PLXNB1: variants seen among roughly 807,000 people sequenced by gnomAD.
The protein encoded by PLXNB1 is plexin B1.
PLXNB1 carries 106 observed loss-of-function variants against 209.4 expected under a neutral mutation model. The observed-to-expected ratio is 0.51, with a 90% CI of 0.43 to 0.59. PLXNB1 has a LOEUF of 0.59. Among genes scored for constraint, PLXNB1 ranks in the 20% least tolerant of loss-of-function variants. The pLI, the probability that PLXNB1 is intolerant of heterozygous loss-of-function variation, is 0.00. For missense variants in PLXNB1, 2,357 were observed against 2,853.2 expected (o/e 0.83, Z 3.96); for synonymous variants, 1,167 against 1,183.2 (o/e 0.99, Z 0.28).
chr3:48,409,667 G>A lies in PLXNB1; in HGVS notation c.5843C>T (p.Pro1948Leu), dbSNP rs759141927. 5.1e-5 allele frequency: 82 copies of A among 1,613,836 alleles called. No individual in the cohort carries two copies. Among genetic ancestry groups the A allele is most frequent in the Non-Finnish European group, 6.9e-5 (81 of 1,180,020 alleles). The change falls in exon 33 of 38, where the codon CCG becomes CTG. Residue 1948 changes from proline (P) to leucine (L), a missense_variant. Pro to Leu is a moderately conservative substitution (Grantham distance 98). Around this residue, in one of 7 missense-constraint regions of PLXNB1, gnomAD observed 414 missense variants for 520.5 expected, o/e 0.80. Coordinates refer to ENST00000296440, the MANE Select transcript of PLXNB1 (RefSeq NM_001130082.3). This position sits in a 1 kb window ranked among gnomAD's most constrained non-coding sequence, Gnocchi z 5.8. ...QVILSTSRPVPLAVKYFFDLL... is the reference protein window; with the variant it reads ...QVILSTSRPVLLAVKYFFDLL... ...GTCAAAGAAGTACTTCACAGCGAGCGGCACGGGGCGGCTGGTGCTGAGAAT... is the reference window on the plus strand; with the variant it reads ...GTCAAAGAAGTACTTCACAGCGAGCAGCACGGGGCGGCTGGTGCTGAGAAT...
rs1246833791 is a variant in PLXNB1, at chr3:48,420,905, T to C, written c.1862A>G (p.Lys621Arg). The change falls in exon 9 of 38, where the codon AAA becomes AGA. Residue 621 changes from lysine to arginine, a missense_variant. Physicochemically the swap from Lys to Arg is conservative, Grantham distance 26 (BLOSUM62 2). Coordinates refer to ENST00000296440, the MANE Select transcript of PLXNB1 (RefSeq NM_001130082.3). The stretch of plus-strand genomic sequence containing the variant: ...ACAGTCATAGAAAGAGAGGGAAGTT[T>C]TGGCGATCACAACAGCGCCAAATCT... ...ELRFGAVVIAKTSLSFYDCVA... is the reference protein window; with the variant it reads ...ELRFGAVVIARTSLSFYDCVA... 3 of 1,614,104 alleles carry C rather than the reference T, an allele frequency of 1.9e-6. No individual in the cohort carries two copies. Among genetic ancestry groups the C allele is most frequent in the Non-Finnish European group, 2.5e-6 (3 of 1,179,968 alleles).
At position 48,415,203 on chromosome 3, in the gene PLXNB1, G is replaced by A; in HGVS notation, c.3939C>T (p.Ser1313=). The change falls in exon 20 of 38, where the codon TCC becomes TCT. Residue 1313 remains serine, a synonymous_variant. Transcript: ENST00000296440. This position sits in a 1 kb window ranked among gnomAD's most constrained non-coding sequence, Gnocchi z 5.0. The part of the protein sequence containing the change: ...RRRVVPETAC[S]LGPSCSSQQF... ...GCTGGCTACTGCAGGAGGGTCCAAG[G>A]GAACATGCCGTCTCCGGGACCACGC... 1 of 1,613,412 alleles carries A rather than the reference G, an allele frequency of 6.2e-7. No homozygotes were observed. The highest frequency in any genetic ancestry group is 1.3e-5 in the African/African-American group (1 of 75,028).
chr3:48,406,677 A>C lies in PLXNB1; in HGVS notation c.6228+146T>G. ...CTGGTCTTTCAGTGGCAGTTGGAAC[A>C]TTCTGCATTTATGTTTCCTGCCCCA... On this transcript the variant is annotated intron_variant, in intron 36 of 37. Transcript: ENST00000296440. The surrounding 1 kb of genome is among the most constrained non-coding windows in gnomAD (Gnocchi z 4.4). 7.0e-7 allele frequency: 1 copy of C among 1,433,792 alleles called. No individual in the cohort carries two copies. The highest frequency in any genetic ancestry group is 1.4e-5 in the African/African-American group (1 of 69,782). 88.8% of individuals were successfully genotyped at this position (1,433,792 alleles called of 1,614,324 possible).
At position 48,419,579 on chromosome 3, in the gene PLXNB1, G is replaced by C; in HGVS notation, c.2707C>G (p.Leu903Val). ...CTCCTTCCTGGGCTGGGCCTCACCA[G>C]CTCCCAGAGCCCGGGGGTGTCATAC... ...YQYDTPGLWELEEATLGASSC... is the reference protein window; with the variant it reads ...YQYDTPGLWEVEEATLGASSC... Residue 903 changes from leucine to valine, a missense_variant and splice_region_variant, in exon 11 of 38, where the codon CTG becomes GTG. Physicochemically the swap from Leu to Val is conservative, Grantham distance 32. This residue lies in a region of PLXNB1 where 410 missense variants were observed against 401.0 expected (regional missense o/e 1.02). Coordinates refer to ENST00000296440, the MANE Select transcript of PLXNB1 (RefSeq NM_001130082.3). This position sits in a 1 kb window ranked among gnomAD's most constrained non-coding sequence, Gnocchi z 5.7. 1 of 1,603,898 alleles carries C rather than the reference G, an allele frequency of 6.2e-7. No individual in the cohort carries two copies. The highest frequency in any genetic ancestry group is 8.5e-7 in the Non-Finnish European group (1 of 1,173,050).
rs781222547 is a variant in PLXNB1 at position 48,414,879 on chromosome 3, C to T, written c.4129G>A (p.Asp1377Asn). The T allele has an allele frequency of 1.4e-5, 23 of 1,613,870 alleles. No individual in the cohort carries two copies. Among genetic ancestry groups the T allele is most frequent in the Middle Eastern group, 1.6e-4 (1 of 6,084 alleles). The change falls in exon 21 of 38, where the codon GAC (aspartate) becomes AAC (asparagine). Residue 1377 changes from aspartate to asparagine, a missense_variant. Transcript: ENST00000296440. ...GGGTTGAGTGGCTGCAGGGTGGGGTCGGCCTCATAGGAGAAAGGTGTGGGG... is the reference window on the plus strand; with the variant it reads ...GGGTTGAGTGGCTGCAGGGTGGGGTTGGCCTCATAGGAGAAAGGTGTGGGG... The part of the protein sequence containing the change: ...LNPTPFSYEA[D>N]PTLQPLNPED...
At chr3:48,427,404 G>A (rs1451747655) in intron 1 of PLXNB1, among the ~76,000 whole-genome samples, 2 of 152,134 alleles carry the variant, frequency 1.3e-5, no homozygotes, top group African/African-American at 4.8e-5. Flanking sequence ...AAGAAGAGCA[G>A]TGACTTTTTC....
Position 48,412,833 on chromosome 3 carries a change from T to TC in PLXNB1, c.4762dup (p.Asp1588GlyfsTer6), listed in dbSNP as rs766747467. On this transcript the variant is annotated frameshift_variant, in exon 25 of 38. Coordinates refer to ENST00000296440, the MANE Select transcript of PLXNB1 (RefSeq NM_001130082.3). LOFTEE classifies it high-confidence loss of function. ...CCGTCTGCTCTCAGGCACACCCAGG[T>TC]CCCGGTGCAAGGGCGACTCGCGGTG... is the stretch of plus-strand genomic sequence containing the variant. 1.2e-6 allele frequency: 2 copies of TC among 1,613,220 alleles called. No homozygotes were observed. Among genetic ancestry groups the TC allele is most frequent in the Non-Finnish European group, 8.5e-7 (1 of 1,179,874 alleles).
At position 48,410,103 on chromosome 3, in the gene PLXNB1, C is replaced by A; in HGVS notation, c.5606-26G>T. On this transcript the variant is annotated intron_variant, in intron 31 of 37. Transcript: ENST00000296440. This position sits in a 1 kb window ranked among gnomAD's most constrained non-coding sequence, Gnocchi z 6.4. ...CTGTGCCAAGAGCCCACAGCTGTCA[C>A]CCCTCCCCAGGTGCCACCTCCCCAG... The A allele has an allele frequency of 6.4e-7, 1 of 1,551,616 alleles. No individual in the cohort carries two copies. Among genetic ancestry groups the A allele is most frequent in the Non-Finnish European group, 8.7e-7 (1 of 1,144,752 alleles).
intron 34 of PLXNB1, among the ~76,000 whole-genome samples, chr3:48,407,732 C>G (rs150361990): frequency 6.6e-6 from 1 of 152,230 alleles, no homozygotes; most frequent in Non-Finnish European, 1.5e-5. Context: ...AGTCAGGATT[C>G]GCGCCTTCTT....
chr3:48,425,835 C>CACACAG (rs1403490551), intron 1 of PLXNB1, among the ~76,000 whole-genome samples: 2 of 148,858 alleles, frequency 1.3e-5, no homozygotes, highest in African/African-American at 5.1e-5. Flanking sequence ...CACACACACA[C>CACACAG]AGAGAGAGAG....
Position 48,419,119 on chromosome 3 carries a change from C to G in PLXNB1, c.2833-80G>C. 1 of 1,586,248 alleles carries G rather than the reference C, an allele frequency of 6.3e-7. No homozygotes were observed. The highest frequency in any genetic ancestry group is 8.6e-7 in the Non-Finnish European group (1 of 1,161,466). ...CCTGCAGGTCACCCAACAGATCCCC[C>G]AGCACAGCTTCTGGGTTGGAGTTGA... On this transcript the variant is annotated intron_variant, in intron 12 of 37. Transcript: ENST00000296440. The surrounding 1 kb of genome is among the most constrained non-coding windows in gnomAD (Gnocchi z 5.7).
In PLXNB1 at chr3:48,410,036, G is replaced by A; in HGVS notation, c.5647C>T (p.Pro1883Ser). The A allele has an allele frequency of 6.2e-7, 1 of 1,609,558 alleles. No individual in the cohort carries two copies. The highest frequency in any genetic ancestry group is 8.5e-7 in the Non-Finnish European group (1 of 1,177,404). ...TCACTTGGCTTCACCAGGTGCCAGGGCCGGATGCCCCCCTCATCTACATCC... is the reference window on the plus strand; with the variant it reads ...TCACTTGGCTTCACCAGGTGCCAGGACCGGATGCCCCCCTCATCTACATCC... ...LEDVDEGGIR[P>S]WHLVKPSDEP... Residue 1883 changes from proline to serine, a missense_variant, in exon 32 of 38, where the codon CCC (proline) becomes TCC (serine). This residue lies in a region of PLXNB1 where 414 missense variants were observed against 520.5 expected (regional missense o/e 0.80). Coordinates refer to ENST00000296440, the MANE Select transcript of PLXNB1 (RefSeq NM_001130082.3). This position sits in a 1 kb window ranked among gnomAD's most constrained non-coding sequence, Gnocchi z 6.4.
rs2038406578 is a variant in PLXNB1, at chr3:48,420,158, G to C, written c.2128C>G (p.Pro710Ala). ...ALATPAPDTL[P>A]VEPGAPSTAT... The stretch of plus-strand genomic sequence containing the variant: ...GTGGAGGGAGCCCCAGGCTCCACGG[G>C]AAGGGTGTCAGGAGCAGGGGTGGCC... Residue 710 changes from proline to alanine, a missense_variant, in exon 11 of 38, where the codon CCC becomes GCC. Physicochemically the swap from Pro to Ala is conservative, Grantham distance 27. Coordinates refer to ENST00000296440, the MANE Select transcript of PLXNB1 (RefSeq NM_001130082.3). 2 of 1,406,722 alleles carry C rather than the reference G, an allele frequency of 1.4e-6. No homozygotes were observed. The highest frequency in any genetic ancestry group is 1.9e-6 in the Non-Finnish European group (2 of 1,043,908). 87.1% of individuals were successfully genotyped at this position (1,406,722 alleles called of 1,614,324 possible). A position where few individuals can be genotyped will look rare whatever the true frequency, so the allele number is the denominator to read the frequency against.
chr3:48,422,540 G>T, intron 4 of PLXNB1, 81 bp from the exon 5 acceptor site: 1 of 1,444,176 alleles, frequency 6.9e-7, no homozygotes. Context: ...CCCAATCGAA[G>T]TAATTTACAA....
chr3:48,428,069 G>A (rs2038987301), intron 1 of PLXNB1, among the ~76,000 whole-genome samples: 1 of 152,118 alleles, frequency 6.6e-6, no homozygotes, highest in South Asian at 2.1e-4. Context: ...TGATTCAGAG[G>A]CCCCAGCAAC....
In PLXNB1 at chr3:48,411,763, C is replaced by T; in HGVS notation, c.5247+100G>A. 1.5e-6 allele frequency: 2 copies of T among 1,353,534 alleles called. No individual in the cohort carries two copies. Among genetic ancestry groups the T allele is most frequent in the Non-Finnish European group, 2.1e-6 (2 of 971,344 alleles). 83.8% of individuals were successfully genotyped at this position (1,353,534 alleles called of 1,614,324 possible). A position where few individuals can be genotyped will look rare whatever the true frequency, so the allele number is the denominator to read the frequency against. ...GTCAACCCAGCTCTACATCCAGGTA[C>T]CACATCAGAAGCTGGTGTCCAGACC... On this transcript the variant is annotated intron_variant, in intron 28 of 37. Coordinates refer to ENST00000296440, the MANE Select transcript of PLXNB1 (RefSeq NM_001130082.3). The surrounding 1 kb of genome is among the most constrained non-coding windows in gnomAD (Gnocchi z 4.0).
rs1405893446 is a variant in PLXNB1 at position 48,420,703 on chromosome 3, C to A, written c.1990G>T (p.Ala664Ser). 2 of 1,614,018 alleles carry A rather than the reference C, an allele frequency of 1.2e-6. No homozygotes were observed. Among genetic ancestry groups the A allele is most frequent in the East Asian group, 4.5e-5 (2 of 44,870 alleles). ...CVWQHLCTHK[A>S]SCDAGPMVAS... ...ACCATGGGCCCAGCATCACACGAGG[C>A]CTTGTGGGTGCACAGGTGCTGCCAG... The change falls in exon 10 of 38, where the codon GCC becomes TCC. Residue 664 changes from alanine to serine, a missense_variant. Around this residue, in one of 7 missense-constraint regions of PLXNB1, gnomAD observed 214 missense variants for 297.1 expected, o/e 0.72. Coordinates refer to ENST00000296440, the MANE Select transcript of PLXNB1 (RefSeq NM_001130082.3).
chr3:48,412,881 G>A lies in PLXNB1; in HGVS notation c.4715C>T (p.Ala1572Val), dbSNP rs771895126. 1.1e-5 allele frequency: 18 copies of A among 1,613,794 alleles called. No homozygotes were observed. The highest frequency in any genetic ancestry group is 7.7e-5 in the South Asian group (7 of 91,090). Residue 1572 changes from alanine to valine, a missense_variant, in exon 25 of 38, where the codon GCG becomes GTG. Ala to Val is a moderately conservative substitution (Grantham distance 64). Transcript: ENST00000296440. ...GIPFLDYKVY[A>V]ERIFFPGHRE... ...GTGCCCAGGGAAGAAGATCCTCTCCGCATACACCTTGTAGTCGAGGAAGGG... is the reference window on the plus strand; with the variant it reads ...GTGCCCAGGGAAGAAGATCCTCTCCACATACACCTTGTAGTCGAGGAAGGG...
Position 48,423,576 on chromosome 3 carries a change from G to C in PLXNB1, c.1036C>G (p.Arg346Gly), listed in dbSNP as rs749656777. The C allele has an allele frequency of 6.2e-7, 1 of 1,614,150 alleles. No individual in the cohort carries two copies. Among genetic ancestry groups the C allele is most frequent in the East Asian group, 2.2e-5 (1 of 44,880 alleles). Residue 346 changes from arginine to glycine, a missense_variant, in exon 3 of 38, where the codon CGT becomes GGT. Arg to Gly is a moderately radical substitution (Grantham distance 125). Around this residue, in one of 7 missense-constraint regions of PLXNB1, gnomAD observed 404 missense variants for 443.6 expected, o/e 0.91. Transcript: ENST00000296440. ...GCCACCTCGGTCCCATCCTCAGCAC[G>C]ACCCTCCCGGGTGTAGCAGGCATCT... ...TRDACYTREGRAEDGTEVAYI... is the reference protein window; with the variant it reads ...TRDACYTREGGAEDGTEVAYI...
Sources: allele counts gnomAD v4.1 joint callset (sites outside exome capture counted in the v4.1 genomes callset), GRCh38; gene constraint gnomAD v4.1.1; regional missense constraint gnomAD v4.1.1; non-coding constraint Gnocchi (gnomAD v3.1); transcripts MANE v1.5; gene names NCBI Gene and HGNC (gene_info 2026-07-23, HGNC 2026-07-21).